The following COL26A1 variants were observed in gnomAD, a reference collection of about 807,000 sequenced individuals.
The protein encoded by COL26A1 is collagen alpha-1(XXVI) chain.
A neutral mutation model predicts 59.3 loss-of-function variants in COL26A1; 41 were observed. The ratio of observed to expected loss-of-function variants is 0.69; its 90% CI spans 0.54 to 0.90. The LOEUF (loss-of-function observed/expected upper bound fraction) is 0.90, where lower values mean the gene tolerates loss of function less well. Ranked by LOEUF, COL26A1 falls within the 40% of genes least tolerant of loss-of-function variation. The probability of loss-of-function intolerance (pLI) is 0.00; values close to 1 mark genes in which losing one functional copy is unlikely to be tolerated. For missense variants in COL26A1, 612 were observed against 602.3 expected, an observed-to-expected ratio of 1.02 and a Z score of -0.17; for synonymous variants, 266 against 256.0, an observed-to-expected ratio of 1.04 and a Z score of -0.37.
At chr7:101,501,417 G>A (rs1273610953) in intron 3 of COL26A1, among the ~76,000 whole-genome samples, 1 of 152,082 alleles carries the variant, frequency 6.6e-6, no homozygotes, top group African/African-American at 2.4e-5. Flanking sequence ...AGCAGTGGTG[G>A]GGCAAGGCCA....
At chr7:101,546,974 C>G (rs1795748734) in intron 7 of COL26A1, among the ~76,000 whole-genome samples, 182 bp from the exon 8 acceptor site, 1 of 152,190 alleles carries the variant, frequency 6.6e-6, no homozygotes, top group South Asian at 2.1e-4. Flanking sequence ...TGCTCTTTGT[C>G]TGGGCCTCTC....
chr7:101,464,568 C>T (rs1405437859), intron 3 of COL26A1, among the ~76,000 whole-genome samples: 4 of 151,514 alleles, frequency 2.6e-5, no homozygotes, highest in African/African-American at 4.9e-5. Flanking sequence ...CCTGCCACCA[C>T]GCCTGGCTAA....
rs574108091 is a variant in COL26A1 at position 101,538,927 on chromosome 7, C to G, written c.448-966C>G. On this transcript the variant is annotated intron_variant, in intron 4 of 12. Coordinates refer to ENST00000313669, the MANE Select transcript of COL26A1 (RefSeq NM_001278563.3). Reference sequence around the variant, plus strand: ...CTTCACGCCCCTCGGCCCCAGGACCCACCCAAGTTCCCAGCAGGGATCTCC... The same window carrying G: ...CTTCACGCCCCTCGGCCCCAGGACCGACCCAAGTTCCCAGCAGGGATCTCC... Among the ~76,000 whole-genome samples the G allele has an allele frequency of 3.3e-5, 5 of 152,364 alleles. No homozygotes were observed. In the South Asian group the frequency reaches 1.0e-3, roughly 32 times the overall value.
At chr7:101,458,673 C>G (rs1345758291) in intron 3 of COL26A1, among the ~76,000 whole-genome samples, 1 of 151,996 alleles carries the variant, frequency 6.6e-6, no homozygotes, top group Non-Finnish European at 1.5e-5. Flanking sequence ...AAATGGTACT[C>G]TATAGTTTAG....
At chr7:101,363,736 C>T (rs1448941808) in intron 1 of COL26A1, among the ~76,000 whole-genome samples, 1 of 151,832 alleles carries the variant, frequency 6.6e-6, no homozygotes. Context: ...CCCCCTCGTT[C>T]CGGGCTCCGA....
intron 3 of COL26A1, among the ~76,000 whole-genome samples, chr7:101,460,860 C>T (rs11772804): frequency 0.44 from 66,722 of 151,850 alleles, 15,447 homozygotes; most frequent in Middle Eastern, 0.54. Flanking sequence ...CTTTTCTCAG[C>T]CAGCTTTCTT....
chr7:101,544,326 C>G (rs1000665297), intron 6 of COL26A1, among the ~76,000 whole-genome samples: 4 of 152,106 alleles, frequency 2.6e-5, no homozygotes, highest in Admixed American at 2.0e-4. Context: ...CTCCCGGGTT[C>G]AAGCAATTCT....
rs113580577 is a variant in COL26A1 at position 101,551,263 on chromosome 7, G to A, written c.1029+120G>A. On this transcript the variant is annotated intron_variant, in intron 10 of 12. Transcript: ENST00000313669. ...TTCAGCCCTGGGTGGCCCTGCTGGA[G>A]CTCAGGCAACAGGGAGGGACTGAGA... is the stretch of plus-strand genomic sequence containing the variant. The A allele has an allele frequency of 9.0e-4, 955 of 1,061,734 alleles. 5 individuals carry two copies. The African/African-American group carries it at 0.01, about 11-fold the overall frequency. 65.8% of individuals were successfully genotyped at this position (1,061,734 alleles called of 1,614,324 possible).
intron 2 of COL26A1, among the ~76,000 whole-genome samples, chr7:101,440,488 G>A (rs2130354183): frequency 6.6e-6 from 1 of 152,270 alleles, no homozygotes; most frequent in South Asian, 2.1e-4. Flanking sequence ...CTGGGGAAAT[G>A]GGCCACAAAT....
chr7:101,419,994 C>T lies in COL26A1; in HGVS notation c.176C>T (p.Thr59Ile), dbSNP rs764888168. Reference sequence around the variant, plus strand: ...CTCCACAGGCACTGGTGCCATCACACAGTGACACGGACGGTGTCCTGCCAG... The same window carrying T: ...CTCCACAGGCACTGGTGCCATCACATAGTGACACGGACGGTGTCCTGCCAG... ...YASRRHWCHH[T>I]VTRTVSCQVQ... is the part of the protein sequence containing the mutation. The change falls in exon 2 of 13, where the codon ACA becomes ATA. Residue 59 changes from threonine to isoleucine, a missense_variant. Physicochemically the swap from Thr to Ile is moderately conservative, Grantham distance 89. Transcript: ENST00000313669. 9 of 1,613,616 alleles carry T rather than the reference C, an allele frequency of 5.6e-6. No homozygotes were observed. Among genetic ancestry groups the T allele is most frequent in the Admixed American group, 1.7e-5 (1 of 59,988 alleles).
At chr7:101,540,570 C>T (rs1029556615) in intron 5 of COL26A1, among the ~76,000 whole-genome samples, 10 of 149,714 alleles carry the variant, frequency 6.7e-5, no homozygotes, top group African/African-American at 2.0e-4. Flanking sequence ...ACCATCTGGC[C>T]GAGCATAGTG....
chr7:101,462,437 C>T (rs1584428614), intron 3 of COL26A1, among the ~76,000 whole-genome samples: 1 of 152,274 alleles, frequency 6.6e-6, no homozygotes. Context: ...CTGCCTCAGC[C>T]TCCTGAGTAG....
At chr7:101,443,656 A>G (rs890683894) in intron 2 of COL26A1, among the ~76,000 whole-genome samples, 2 of 152,216 alleles carry the variant, frequency 1.3e-5, no homozygotes, top group Non-Finnish European at 2.9e-5. Flanking sequence ...TAAAAGCTGA[A>G]TGTGTCTCCC....
chr7:101,553,242 C>T, intron 10 of COL26A1, 84 bp from the exon 11 acceptor site: 2 of 1,295,860 alleles, frequency 1.5e-6, no homozygotes, highest in South Asian at 2.5e-5. Flanking sequence ...CCCCTGACTC[C>T]CTGCAGGCCC....
intron 3 of COL26A1, among the ~76,000 whole-genome samples, chr7:101,504,847 G>T (rs139998447): frequency 3.9e-5 from 6 of 152,226 alleles, no homozygotes; most frequent in African/African-American, 1.4e-4. Context: ...GTATGCCTGT[G>T]TGTGTCTGTG....
intron 3 of COL26A1, among the ~76,000 whole-genome samples, chr7:101,497,328 C>T (rs1442073839): frequency 6.6e-6 from 1 of 152,168 alleles, no homozygotes; most frequent in African/African-American, 2.4e-5. Flanking sequence ...CCTATTTTGA[C>T]TAACATGTAC....
chr7:101,439,999 G>A (rs779409390), intron 2 of COL26A1, among the ~76,000 whole-genome samples: 1 of 152,138 alleles, frequency 6.6e-6, no homozygotes, highest in Non-Finnish European at 1.5e-5. Context: ...CCTTAAGGCT[G>A]ACAGAGGTTA....
intron 2 of COL26A1, among the ~76,000 whole-genome samples, chr7:101,429,214 A>G (rs796533598): frequency 2.6e-5 from 4 of 152,212 alleles, no homozygotes; most frequent in Admixed American, 1.3e-4. Context: ...GTGAGCCACC[A>G]TGCCTGGCCT....
chr7:101,481,125 G>A lies in COL26A1; in HGVS notation c.385+33338G>A, dbSNP rs1794144897. Among the ~76,000 whole-genome samples, 3 of 152,072 alleles carry A rather than the reference G, an allele frequency of 2.0e-5. No individual in the cohort carries two copies. The South Asian group carries it at 6.2e-4, about 31-fold the overall frequency. On this transcript the variant is annotated intron_variant, in intron 3 of 12. Transcript: ENST00000313669. Reference sequence around the variant, plus strand: ...AGGGGAGATTTTCTTTTTAAATTCAGGCAAAGAGGAGATGCCACGTTGTTC... The same window carrying A: ...AGGGGAGATTTTCTTTTTAAATTCAAGCAAAGAGGAGATGCCACGTTGTTC...
Sources: gnomAD v4.1 joint callset for allele counts (sites outside exome capture counted in the v4.1 genomes callset) on GRCh38, gnomAD v4.1.1 for gene constraint, MANE v1.5 for transcripts, NCBI Gene and HGNC (gene_info 2026-07-23, HGNC 2026-07-21) for gene names.